TENM3: variants seen among roughly 807,000 people sequenced by gnomAD.
TENM3 encodes the protein teneurin transmembrane protein 3.
A neutral mutation model predicts 255.1 loss-of-function variants in TENM3; 63 were observed. The ratio of observed to expected loss-of-function variants is 0.25; its 90% CI spans 0.20 to 0.30. The LOEUF (loss-of-function observed/expected upper bound fraction) is 0.30. TENM3 is among the 10% of genes least tolerant of loss of function. TENM3 has a pLI of 1.00. For missense variants in TENM3, 2,929 were observed against 3,461.1 expected, an observed-to-expected ratio of 0.85 and a Z score of 3.86; for synonymous variants, 1,306 against 1,322.3, an observed-to-expected ratio of 0.99 and a Z score of 0.27.
chr4:182,605,024 T>G (rs2152420101), intron 4 of TENM3, among the ~76,000 whole-genome samples: 1 of 152,354 alleles, frequency 6.6e-6, no homozygotes, highest in South Asian at 2.1e-4. Flanking sequence ...CTTTTTATCT[T>G]CTTTAAAATG....
the TENM3 span, among the ~76,000 whole-genome samples, chr4:181,726,438 G>A: frequency 6.6e-6 from 1 of 152,250 alleles, no homozygotes; most frequent in Non-Finnish European, 1.5e-5. Context: ...AATCTTCAAG[G>A]ATATGGGAAC....
the TENM3 span, among the ~76,000 whole-genome samples, chr4:181,467,125 A>ATTTTTTTTTTT: frequency 1.3e-3 from 22 of 17,550 alleles, 1 homozygote; most frequent in Admixed American, 1.9e-3. Context: ...ATATATATAT[A>ATTTTTTTTTTT]TTTTTTTTTT....
chr4:181,956,844 G>T, the TENM3 span, among the ~76,000 whole-genome samples: 51 of 152,280 alleles, frequency 3.3e-4, no homozygotes, highest in Admixed American at 2.9e-3. Context: ...ATATGATTTA[G>T]ATTAACGGGC....
upstream of TENM3, chr4:182,143,980 T>G (rs1435938704): frequency 6.6e-6 from 1 of 152,520 alleles, no homozygotes; most frequent in African/African-American, 2.4e-5. This position sits in a 1 kb window ranked among gnomAD's most constrained non-coding sequence, Gnocchi z 4.3. Context: ...CAAATCCCAT[T>G]TGACAGAAAA....
chr4:181,906,900 A>T, the TENM3 span, among the ~76,000 whole-genome samples: 1 of 151,766 alleles, frequency 6.6e-6, no homozygotes, highest in Non-Finnish European at 1.5e-5. Context: ...ATTTTTTGAG[A>T]TGGAGTCTCA....
intron 1 of TENM3, among the ~76,000 whole-genome samples, chr4:182,186,035 T>G (rs554930537): frequency 8.7e-5 from 13 of 149,808 alleles, no homozygotes; most frequent in African/African-American, 3.2e-4. Flanking sequence ...TAGTTAGGCT[T>G]CCTTTATATA....
chr4:181,801,649 A>AAAAT, the TENM3 span, among the ~76,000 whole-genome samples: 1 of 113,428 alleles, frequency 8.8e-6, no homozygotes, highest in South Asian at 2.7e-4. Flanking sequence ...AAAGAATTGT[A>AAAAT]AAATATATAT....
intron 1 of TENM3, among the ~76,000 whole-genome samples, chr4:182,167,515 T>C (rs185515839): frequency 2.0e-5 from 3 of 152,292 alleles, no homozygotes; most frequent in Admixed American, 2.0e-4. Context: ...TGATAAAGAA[T>C]ACATTAAAGA....
chr4:181,881,619 T>A, the TENM3 span, among the ~76,000 whole-genome samples: 2 of 152,206 alleles, frequency 1.3e-5, no homozygotes, highest in Admixed American at 1.3e-4. Flanking sequence ...TATTTTGCTT[T>A]ACTTTTATTA....
At chr4:181,876,084 T>C in the TENM3 span, among the ~76,000 whole-genome samples, 1 of 152,242 alleles carries the variant, frequency 6.6e-6, no homozygotes. Flanking sequence ...GTAAACATGA[T>C]ATAAGACAAA....
At chr4:181,755,728 T>C in the TENM3 span, among the ~76,000 whole-genome samples, 1 of 152,150 alleles carries the variant, frequency 6.6e-6, no homozygotes, top group African/African-American at 2.4e-5. Context: ...TTAGTAATGC[T>C]GCTCTCCTGC....
the TENM3 span, among the ~76,000 whole-genome samples, chr4:181,561,831 T>C: frequency 6.6e-6 from 1 of 152,190 alleles, no homozygotes; most frequent in Non-Finnish European, 1.5e-5. Context: ...GTTCAAAGAG[T>C]ATGAACAACA....
the TENM3 span, among the ~76,000 whole-genome samples, chr4:181,479,617 G>A: frequency 1.3e-5 from 2 of 151,892 alleles, no homozygotes; most frequent in Admixed American, 6.6e-5. Context: ...AACACACACA[G>A]AGGAATTATA....
intron 2 of TENM3, among the ~76,000 whole-genome samples, chr4:182,332,858 T>A (rs1375997284): frequency 1.3e-5 from 2 of 152,142 alleles, no homozygotes; most frequent in African/African-American, 4.8e-5. Context: ...AAAGCACCTA[T>A]GATCCTGATT....
chr4:181,908,274 C>T, the TENM3 span, among the ~76,000 whole-genome samples: 3 of 152,092 alleles, frequency 2.0e-5, no homozygotes, highest in African/African-American at 7.2e-5. Flanking sequence ...CTAGTAGTGA[C>T]AGTTTCTCTT....
the TENM3 span, among the ~76,000 whole-genome samples, chr4:182,100,954 G>T: frequency 1.4e-5 from 2 of 141,946 alleles, no homozygotes; most frequent in East Asian, 4.1e-4. Flanking sequence ...TGAGGCAGGA[G>T]AATCCCTTGA....
the TENM3 span, among the ~76,000 whole-genome samples, chr4:181,648,421 T>C: frequency 6.6e-6 from 1 of 152,166 alleles, no homozygotes; most frequent in Non-Finnish European, 1.5e-5. Flanking sequence ...TTTTCTTTAA[T>C]AAAGTTCAAA....
At chr4:182,420,191 A>G (rs1477639265) in intron 3 of TENM3, among the ~76,000 whole-genome samples, 1 of 152,052 alleles carries the variant, frequency 6.6e-6, no homozygotes, top group East Asian at 1.9e-4. Context: ...TTTTGAAGGA[A>G]TTTCTAATTC....
chr4:182,412,632 G>A (rs544109150), intron 3 of TENM3, among the ~76,000 whole-genome samples: 3 of 151,798 alleles, frequency 2.0e-5, no homozygotes, highest in East Asian at 3.9e-4. Context: ...TTGGGAGGCC[G>A]AGGTGGGCAG....
Sources: gnomAD v4.1 joint callset for allele counts (sites outside exome capture counted in the v4.1 genomes callset) on GRCh38, gnomAD v4.1.1 for gene constraint, Gnocchi (gnomAD v3.1) non-coding constraint, MANE v1.5 for transcripts, NCBI Gene and HGNC (gene_info 2026-07-23, HGNC 2026-07-21) for gene names.